The following RERE variants were observed in gnomAD, a reference collection of about 807,000 sequenced individuals.
RERE encodes the protein arginine-glutamic acid dipeptide repeats protein.
Under a neutral mutation model 146.1 loss-of-function variants are expected in RERE, and 40 were observed. The ratio of observed to expected loss-of-function variants is 0.27; its 90% confidence interval spans 0.21 to 0.36. The LOEUF (loss-of-function observed/expected upper bound fraction) is 0.36, where lower values mean the gene tolerates loss of function less well. Ranked by LOEUF, RERE falls within the 10% of genes least tolerant of loss-of-function variation. The pLI is 1.00. For missense variants in RERE, 1,933 were observed against 2,138.7 expected, an observed-to-expected ratio of 0.90 and a Z score of 1.90; for synonymous variants, 1,003 against 866.0, an observed-to-expected ratio of 1.16 and a Z score of -2.78.
At chr1:8,634,659 G>A (rs1261593834) in intron 2 of RERE, among the ~76,000 whole-genome samples, 2 of 152,156 alleles carry the variant, frequency 1.3e-5, no homozygotes, top group East Asian at 3.8e-4. Context: ...AATCGTTGTT[G>A]TTTTCATTCG....
rs150577340 is a variant in RERE at position 8,495,114 on chromosome 1, G to A, written c.1053C>T (p.Asp351=). The change falls in exon 10 of 23, where the codon GAC becomes GAT. Residue 351 remains aspartate, a synonymous_variant. Coordinates refer to ENST00000400908, the MANE Select transcript of RERE (RefSeq NM_001042681.2). ...CATCCCGAGAGGCTGCGACACAGCCGTCCTCTGTAGAGCCTCCATCACACA... is the reference window on the plus strand; with the variant it reads ...CATCCCGAGAGGCTGCGACACAGCCATCCTCTGTAGAGCCTCCATCACACA... The part of the protein sequence containing the change: ...AGMCDGGSTE[D]GCVAASRDDT... The A allele has an allele frequency of 4.1e-5, 66 of 1,613,772 alleles. No homozygotes were observed. The highest frequency in any genetic ancestry group is 5.3e-5 in the Non-Finnish European group (62 of 1,179,846).
chr1:8,400,222 A>ATATGTGTGTGTGTGTGTGTGTGTGTGTG (rs368219880), intron 12 of RERE, among the ~76,000 whole-genome samples: 70 of 140,152 alleles, frequency 5.0e-4, no homozygotes, highest in East Asian at 1.1e-3. Context: ...CCTGTGTCAT[A>ATATGTGTGTGTGTGTGTGTGTGTGTGTG]TGTGTGTGTG....
intron 10 of RERE, among the ~76,000 whole-genome samples, chr1:8,486,277 C>A (rs1644897798): frequency 6.6e-6 from 1 of 152,112 alleles, no homozygotes; most frequent in African/African-American, 2.4e-5. Flanking sequence ...TGAACCAAGA[C>A]ACATCACATG....
intron 4 of RERE, among the ~76,000 whole-genome samples, chr1:8,609,478 T>G (rs1280446142): frequency 6.6e-6 from 1 of 152,158 alleles, no homozygotes; most frequent in Non-Finnish European, 1.5e-5. Flanking sequence ...CTTCTGAAAA[T>G]CCAGCCATCT....
In RERE at chr1:8,656,062, G is replaced by C. The variant is rs933581653; in HGVS notation, c.236C>G (p.Pro79Arg). 4 of 1,613,454 alleles carry C rather than the reference G, an allele frequency of 2.5e-6. No homozygotes were observed. Among genetic ancestry groups the C allele is most frequent in the Non-Finnish European group, 3.4e-6 (4 of 1,179,856 alleles). The change falls in exon 2 of 23, where the codon CCA (proline) becomes CGA (arginine). Residue 79 changes from proline to arginine, a missense_variant. Coordinates refer to ENST00000400908, the MANE Select transcript of RERE (RefSeq NM_001042681.2). ...EESTKKNKKK[P>R]PKKKSRYERT... Reference sequence around the variant, plus strand: ...TTCATAACGAGACTTTTTTTTCGGTGGTTTCTTCTTATTCTTCTTCGTGGA... The same window carrying C: ...TTCATAACGAGACTTTTTTTTCGGTCGTTTCTTCTTATTCTTCTTCGTGGA...
intron 1 of RERE, among the ~76,000 whole-genome samples, chr1:8,815,603 T>C (rs1203888613): frequency 6.6e-6 from 1 of 152,204 alleles, no homozygotes; most frequent in African/African-American, 2.4e-5. Context: ...AACATGTTTT[T>C]GAGTGTCCTT....
intron 1 of RERE, among the ~76,000 whole-genome samples, chr1:8,697,283 G>GA (rs536402078): frequency 6.6e-6 from 1 of 151,800 alleles, no homozygotes; most frequent in Non-Finnish European, 1.5e-5. Context: ...AAAACAAAAA[G>GA]AAAAAATTGT....
At chr1:8,377,482 G>C (rs1390325709) in intron 12 of RERE, among the ~76,000 whole-genome samples, 1 of 151,946 alleles carries the variant, frequency 6.6e-6, no homozygotes, top group South Asian at 2.1e-4. Context: ...ATTATTTCCT[G>C]AATTCATTTT....
chr1:8,732,058 C>T (rs186794602), intron 1 of RERE, among the ~76,000 whole-genome samples: 3 of 152,290 alleles, frequency 2.0e-5, no homozygotes, highest in Admixed American at 2.0e-4. Flanking sequence ...CCACCTCAGC[C>T]TCCCAAAGTG....
At chr1:8,628,213 T>C (rs1425750998) in intron 2 of RERE, among the ~76,000 whole-genome samples, 2 of 151,994 alleles carry the variant, frequency 1.3e-5, no homozygotes, top group Non-Finnish European at 2.9e-5. Flanking sequence ...TTGAAACACA[T>C]ATATGAAAAA....
chr1:8,491,267 C>G (rs1386476316), intron 10 of RERE, among the ~76,000 whole-genome samples: 3 of 151,720 alleles, frequency 2.0e-5, no homozygotes, highest in Non-Finnish European at 4.4e-5. Flanking sequence ...ATGGCGAAAC[C>G]CTGTCTCTAC....
At chr1:8,513,444 ATAATACAGCC>A (rs1645369029) in intron 7 of RERE, among the ~76,000 whole-genome samples, 1 of 152,224 alleles carries the variant, frequency 6.6e-6, no homozygotes, top group Non-Finnish European at 1.5e-5. Context: ...TTATATGAAG[ATAATACAGCC>A]TAACACAGTG....
intron 1 of RERE, among the ~76,000 whole-genome samples, chr1:8,657,322 AGAAG>A (rs1557462438): frequency 6.4e-5 from 7 of 108,896 alleles, no homozygotes; most frequent in African/African-American, 1.0e-4. Context: ...AAAAAAAAAA[AGAAG>A]AAGAAAAGAA....
At chr1:8,783,685 T>C (rs1641207745) in intron 1 of RERE, among the ~76,000 whole-genome samples, 1 of 152,054 alleles carries the variant, frequency 6.6e-6, no homozygotes, top group African/African-American at 2.4e-5. Context: ...AAAATGCAAA[T>C]CACATCATGT....
intron 2 of RERE, among the ~76,000 whole-genome samples, chr1:8,651,444 T>G (rs985699308): frequency 6.6e-6 from 1 of 152,096 alleles, no homozygotes; most frequent in Admixed American, 6.6e-5. Flanking sequence ...AAGATATCCT[T>G]TACAACATTC....
chr1:8,762,554 T>C (rs1273086220), intron 1 of RERE, among the ~76,000 whole-genome samples: 2 of 152,160 alleles, frequency 1.3e-5, no homozygotes, highest in Non-Finnish European at 2.9e-5. Flanking sequence ...TTATTTTATT[T>C]GAAGACAAAA....
chr1:8,418,998 C>G (rs143923462), intron 12 of RERE, among the ~76,000 whole-genome samples: 1 of 152,120 alleles, frequency 6.6e-6, no homozygotes, highest in South Asian at 2.1e-4. Flanking sequence ...TGGTTTATGA[C>G]AAACAGTGGC....
chr1:8,501,042 G>C lies in RERE; in HGVS notation c.880-3513C>G, dbSNP rs1331070428. ...CCACCCCGTCCGGGAGGGGGGGGGG[G>C]GGTCAGCCCCCCGCCCGGCCAGCCG... On this transcript the variant is annotated intron_variant, in intron 8 of 22. Coordinates refer to ENST00000400908, the MANE Select transcript of RERE (RefSeq NM_001042681.2). Among the ~76,000 whole-genome samples, 4 of 138,142 alleles carry C rather than the reference G, an allele frequency of 2.9e-5. 1 individual carries two copies. The highest frequency in any genetic ancestry group is 4.2e-4 in the East Asian group (2 of 4,764). 90.6% of individuals were successfully genotyped at this position (138,142 alleles called of 152,430 possible).
rs1282509993 is a variant in RERE at position 8,359,999 on chromosome 1, A to C, written c.3396-13T>G. On this transcript the variant is annotated splice_polypyrimidine_tract_variant and intron_variant, in intron 18 of 22. Transcript: ENST00000400908. ...GTGTTTGTAGAACCTGAGAAAAGCC[A>C]CAGATCTTGCTGGGAGCTCCTGCCG... 1.2e-6 allele frequency: 2 copies of C among 1,611,420 alleles called. No individual in the cohort carries two copies. The highest frequency in any genetic ancestry group is 2.2e-5 in the South Asian group (2 of 91,070).
Sources: allele counts gnomAD v4.1 joint callset (sites outside exome capture counted in the v4.1 genomes callset), GRCh38; gene constraint gnomAD v4.1.1; transcripts MANE v1.5; gene names NCBI Gene and HGNC (gene_info 2026-07-23, HGNC 2026-07-21).